Variants in NAP1L2 observed in about 807,000 individuals in gnomAD.
The protein encoded by NAP1L2 is nucleosome assembly protein 1-like 2.
For missense variants in NAP1L2, 376 were observed against 338.5 expected (o/e 1.11, Z -0.87); for synonymous variants, 165 against 126.0 (o/e 1.31, Z -2.07).
rs765103580 is a variant in NAP1L2, at chrX:73,214,078, T to G, written c.415A>C (p.Lys139Gln). The G allele has an allele frequency of 5.9e-5, 72 of 1,211,382 alleles. No individual in the cohort carries two copies. The highest frequency in any genetic ancestry group is 7.9e-5 in the Non-Finnish European group (71 of 895,483). The change falls in exon 1 of 1, where the codon AAG becomes CAG. Residue 139 changes from lysine (K) to glutamine (Q), a missense_variant. By Grantham distance (53) the Lys-to-Gln change is moderately conservative. Transcript: ENST00000373517. ...FLREFHDIER[K>Q]FAEMYQPLLE... Reference sequence around the variant, plus strand: ...AAGGGTTGGTACATTTCAGCAAACTTTCTTTCAATGTCATGAAATTCCCTC... The same window carrying G: ...AAGGGTTGGTACATTTCAGCAAACTGTCTTTCAATGTCATGAAATTCCCTC...
chrX:73,213,615 G>A lies in NAP1L2; in HGVS notation c.878C>T (p.Pro293Leu). 1 of 1,211,086 alleles carries A rather than the reference G, an allele frequency of 8.3e-7. No individual in the cohort carries two copies. Among genetic ancestry groups the A allele is most frequent in the South Asian group, 1.8e-5 (1 of 56,806 alleles). ...LSFTLEFHFK[P>L]NEYFKNELLT... ...CAACTCATTTTTGAAATATTCATTG[G>A]GTTTGAAGTGAAATTCTAGTGTGAA... Residue 293 changes from proline (P) to leucine (L), a missense_variant, in exon 1 of 1, where the codon CCC becomes CTC. Physicochemically the swap from Pro to Leu is moderately conservative, Grantham distance 98. Coordinates refer to ENST00000373517, the MANE Select transcript of NAP1L2 (RefSeq NM_021963.4).
In NAP1L2 at chrX:73,214,410, C is replaced by T. The variant is rs2056147752; in HGVS notation, c.83G>A (p.Gly28Glu). Residue 28 changes from glycine to glutamate, a missense_variant, in exon 1 of 1, where the codon GGG becomes GAG. Gly to Glu is a moderately conservative substitution (Grantham distance 98). Coordinates refer to ENST00000373517, the MANE Select transcript of NAP1L2 (RefSeq NM_021963.4). The part of the protein sequence containing the change: ...AGNQIMVEGL[G>E]EHLERGEDAA... ...ATCTTCACCGCGCTCCAGATGTTCC[C>T]CGAGCCCTTCCACCATTATCTGATT... 3 of 1,208,908 alleles carry T rather than the reference C, an allele frequency of 2.5e-6. No homozygotes were observed. The highest frequency in any genetic ancestry group is 3.4e-6 in the Non-Finnish European group (3 of 895,062).
chrX:73,214,396 G>C lies in NAP1L2; in HGVS notation c.97C>G (p.Arg33Gly). ...MVEGLGEHLE[R>G]GEDAAAGLGD... is the part of the protein sequence containing the mutation. Reference sequence around the variant, plus strand: ...AGCCCAGCAGCGGCATCTTCACCGCGCTCCAGATGTTCCCCGAGCCCTTCC... The same window carrying C: ...AGCCCAGCAGCGGCATCTTCACCGCCCTCCAGATGTTCCCCGAGCCCTTCC... The change falls in exon 1 of 1, where the codon CGC becomes GGC. Residue 33 changes from arginine (R) to glycine (G), a missense_variant. By Grantham distance (125) the Arg-to-Gly change is moderately radical (BLOSUM62 -2). Coordinates refer to ENST00000373517, the MANE Select transcript of NAP1L2 (RefSeq NM_021963.4). 1 of 1,208,516 alleles carries C rather than the reference G, an allele frequency of 8.3e-7. No homozygotes were observed. Among genetic ancestry groups the C allele is most frequent in the Middle Eastern group, 2.3e-4 (1 of 4,353 alleles).
Position 73,213,313 on chromosome X carries a change from G to T in NAP1L2, c.1180C>A (p.His394Asn). 8.3e-7 allele frequency: 1 copy of T among 1,211,073 alleles called. No individual in the cohort carries two copies. The highest frequency in any genetic ancestry group is 1.1e-6 in the Non-Finnish European group (1 of 894,777). The change falls in exon 1 of 1, where the codon CAC (histidine) becomes AAC (asparagine). Residue 394 changes from histidine (H) to asparagine (N), a missense_variant. Transcript: ENST00000373517. ...RDGNDDFLLG[H>N]NLRTYIIPRS... ...GGAATTATGTAAGTACGTAAATTGT[G>T]ACCAAGTAAAAAATCATCATTTCCA...
At position 73,213,179 on chromosome X, in the gene NAP1L2, C is replaced by T. The variant is rs780661959; in HGVS notation, c.1314G>A (p.Met438Ile). The T allele has an allele frequency of 1.7e-6, 2 of 1,210,549 alleles. No homozygotes were observed. The highest frequency in any genetic ancestry group is 2.2e-5 in the Admixed American group (1 of 45,882). The part of the protein sequence containing the change: ...IYDKIIYDNW[M>I]AAIEEVKACC... The stretch of plus-strand genomic sequence containing the variant: ...AAGCTTTAACTTCCTCAATTGCAGC[C>T]ATCCAATTATCATAAATAATTTTGT... Residue 438 changes from methionine (M) to isoleucine (I), a missense_variant, in exon 1 of 1, where the codon ATG (methionine) becomes ATA (isoleucine). Coordinates refer to ENST00000373517, the MANE Select transcript of NAP1L2 (RefSeq NM_021963.4).
chrX:73,213,031 A>T lies in NAP1L2; in HGVS notation c.*79T>A. 1 of 931,845 alleles carries T rather than the reference A, an allele frequency of 1.1e-6. No homozygotes were observed. The highest frequency in any genetic ancestry group is 1.4e-6 in the Non-Finnish European group (1 of 693,961). The allele number at this position is 931,845 out of a possible 1,213,427, so 76.8% of individuals were successfully genotyped here. A position where few individuals can be genotyped will look rare whatever the true frequency, so the allele number is the denominator to read the frequency against. ...TATGTTTTAACTAACACTACAAGAAAAATACAGAACACAAGGCTTCTTATA... is the reference window on the plus strand; with the variant it reads ...TATGTTTTAACTAACACTACAAGAATAATACAGAACACAAGGCTTCTTATA... On this transcript the variant is annotated 3_prime_UTR_variant, in exon 1 of 1. Coordinates refer to ENST00000373517, the MANE Select transcript of NAP1L2 (RefSeq NM_021963.4).
chrX:73,213,137 C>T lies in NAP1L2; in HGVS notation c.1356G>A (p.Glu452=), dbSNP rs757966230. ...AACGATCAATGTCTTCTACTAATGCCTCAAGGTTTTTGCAACAAGCTTTAA... is the reference window on the plus strand; with the variant it reads ...AACGATCAATGTCTTCTACTAATGCTTCAAGGTTTTTGCAACAAGCTTTAA... ...EEVKACCKNL[E]ALVEDIDR is the part of the protein sequence containing the mutation. The change falls in exon 1 of 1, where the codon GAG becomes GAA. Residue 452 remains glutamate, a synonymous_variant. Transcript: ENST00000373517. 2.3e-5 allele frequency: 28 copies of T among 1,206,390 alleles called. No individual in the cohort carries two copies. The East Asian group carries it at 3.0e-4, about 13-fold the overall frequency.
rs945261369 is a variant in NAP1L2 at position 73,213,090 on chromosome X, A to G, written c.*20T>C. Reference sequence around the variant, plus strand: ...AACTATATCTAGGGCAGTTAATTTCAGGGCCATGTATACTCTGCTCTAACG... The same window carrying G: ...AACTATATCTAGGGCAGTTAATTTCGGGGCCATGTATACTCTGCTCTAACG... On this transcript the variant is annotated 3_prime_UTR_variant, in exon 1 of 1. Transcript: ENST00000373517. 8.6e-7 allele frequency: 1 copy of G among 1,162,950 alleles called. No homozygotes were observed. The highest frequency in any genetic ancestry group is 1.1e-6 in the Non-Finnish European group (1 of 871,380).
At position 73,214,790 on chromosome X, in the gene NAP1L2, C is replaced by A; in HGVS notation, c.-298G>T. On this transcript the variant is annotated 5_prime_UTR_variant, in exon 1 of 1. Coordinates refer to ENST00000373517, the MANE Select transcript of NAP1L2 (RefSeq NM_021963.4). ...AGAGCTGCAGTGGGCAGACCTCCTCCGCAAGCAGCTACTGCTGCAAGAAAA... is the reference window on the plus strand; with the variant it reads ...AGAGCTGCAGTGGGCAGACCTCCTCAGCAAGCAGCTACTGCTGCAAGAAAA... 1 of 244,880 alleles carries A rather than the reference C, an allele frequency of 4.1e-6. No homozygotes were observed. Among genetic ancestry groups the A allele is most frequent in the Non-Finnish European group, 7.7e-6 (1 of 129,504 alleles). The allele number at this position is 244,880 out of a possible 1,213,427, so 20.2% of individuals were successfully genotyped here.
Position 73,212,972 on chromosome X carries a change from T to G in NAP1L2, c.*138A>C, listed in dbSNP as rs1335950716. On this transcript the variant is annotated 3_prime_UTR_variant, in exon 1 of 1. Transcript: ENST00000373517. ...CTACTAAAACTCAAGGTCAAATTAA[T>G]TAGTTTTTGAACTTTTCTTATATTT... The G allele has an allele frequency of 1.9e-5, 11 of 575,454 alleles. No homozygotes were observed. In the Admixed American group the frequency reaches 4.5e-4, roughly 23 times the overall value. 47.4% of individuals were successfully genotyped at this position (575,454 alleles called of 1,213,427 possible).
rs2147966308 is a variant in NAP1L2 at position 73,213,537 on chromosome X, G to A, written c.956C>T (p.Pro319Leu). ...ATACTCAATCGCAGTTCCCCTATAG[G>A]GATGGGGATCATAATATGCTAGCTT... ...KSKLAYYDPH[P>L]YRGTAIEYST... Residue 319 changes from proline to leucine, a missense_variant, in exon 1 of 1, where the codon CCC (proline) becomes CTC (leucine). Transcript: ENST00000373517. 3 of 1,210,781 alleles carry A rather than the reference G, an allele frequency of 2.5e-6. No homozygotes were observed. The highest frequency in any genetic ancestry group is 3.4e-6 in the Non-Finnish European group (3 of 894,703).
In NAP1L2 at chrX:73,214,489, C is replaced by T; in HGVS notation, c.4G>A (p.Ala2Thr). The change falls in exon 1 of 1, where the codon GCC becomes ACC. Residue 2 changes from alanine to threonine, a missense_variant. Physicochemically the swap from Ala to Thr is moderately conservative, Grantham distance 58. Coordinates refer to ENST00000373517, the MANE Select transcript of NAP1L2 (RefSeq NM_021963.4). M[A>T]ESENRKELSE... ...AGCTCCTTGCGGTTCTCTGACTCGG[C>T]CATTTTTCAAAGGACCGTACACGCC... 1 of 1,207,435 alleles carries T rather than the reference C, an allele frequency of 8.3e-7. No individual in the cohort carries two copies. Among genetic ancestry groups the T allele is most frequent in the African/African-American group, 1.7e-5 (1 of 57,597 alleles).
rs755449426 is a variant in NAP1L2 at position 73,214,055 on chromosome X, G to A, written c.438C>T (p.Pro146=). The part of the protein sequence containing the change: ...IERKFAEMYQ[P]LLEKRRQIIN... The stretch of plus-strand genomic sequence containing the variant: ...TGATCTGACGTCTTTTTTCCAGTAA[G>A]GGTTGGTACATTTCAGCAAACTTTC... The change falls in exon 1 of 1, where the codon CCC becomes CCT. Residue 146 remains proline (P), a synonymous_variant. Transcript: ENST00000373517. The A allele has an allele frequency of 8.3e-7, 1 of 1,208,837 alleles. No homozygotes were observed. The highest frequency in any genetic ancestry group is 2.2e-5 in the Admixed American group (1 of 45,609).
Position 73,213,464 on chromosome X carries a change from C to T in NAP1L2, c.1029G>A (p.Leu343=). 1 of 1,211,735 alleles carries T rather than the reference C, an allele frequency of 8.3e-7. No individual in the cohort carries two copies. The highest frequency in any genetic ancestry group is 1.1e-6 in the Non-Finnish European group (1 of 895,429). ...IDWNEGKNVT[L]KTIKKKQKHR... is the part of the protein sequence containing the mutation. ...GTTTCTGTTTCTTCTTGATGGTTTTCAAAGTGACATTCTTTCCTTCATTCC... is the reference window on the plus strand; with the variant it reads ...GTTTCTGTTTCTTCTTGATGGTTTTTAAAGTGACATTCTTTCCTTCATTCC... Residue 343 remains leucine, a synonymous_variant, in exon 1 of 1, where the codon TTG becomes TTA. Transcript: ENST00000373517.
Position 73,214,424 on chromosome X carries a change from C to A in NAP1L2, c.69G>T (p.Met23Ile). ...CCAGATGTTCCCCGAGCCCTTCCAC[C>A]ATTATCTGATTACCAGCCTCTTCTT... ...SSQEEAGNQIMVEGLGEHLER... is the reference protein window; with the variant it reads ...SSQEEAGNQIIVEGLGEHLER... The change falls in exon 1 of 1, where the codon ATG becomes ATT. Residue 23 changes from methionine (M) to isoleucine (I), a missense_variant. Coordinates refer to ENST00000373517, the MANE Select transcript of NAP1L2 (RefSeq NM_021963.4). 4.1e-6 allele frequency: 5 copies of A among 1,211,445 alleles called. No homozygotes were observed. The highest frequency in any genetic ancestry group is 4.5e-6 in the Non-Finnish European group (4 of 895,452).
chrX:73,213,948 T>C lies in NAP1L2; in HGVS notation c.545A>G (p.His182Arg). The C allele has an allele frequency of 1.7e-6, 2 of 1,211,609 alleles. No homozygotes were observed. Among genetic ancestry groups the C allele is most frequent in the Non-Finnish European group, 1.1e-6 (1 of 895,467 alleles). The change falls in exon 1 of 1, where the codon CAT (histidine) becomes CGT (arginine). Residue 182 changes from histidine to arginine, a missense_variant. Physicochemically the swap from His to Arg is conservative, Grantham distance 29. Coordinates refer to ENST00000373517, the MANE Select transcript of NAP1L2 (RefSeq NM_021963.4). The stretch of plus-strand genomic sequence containing the variant: ...CTCCTCATTACCATACATCTCTTCA[T>C]GACACATTTCCTCATCATCACAGTC... ...SEDCDDEEMC[H>R]EEMYGNEEGM...
In NAP1L2 at chrX:73,213,104, T is replaced by G; in HGVS notation, c.*6A>C. 3 of 1,193,257 alleles carry G rather than the reference T, an allele frequency of 2.5e-6. No homozygotes were observed. Among genetic ancestry groups the G allele is most frequent in the Non-Finnish European group, 3.4e-6 (3 of 886,111 alleles). On this transcript the variant is annotated 3_prime_UTR_variant, in exon 1 of 1. Transcript: ENST00000373517. ...CAGTTAATTTCAGGGCCATGTATAC[T>G]CTGCTCTAACGATCAATGTCTTCTA...
At position 73,213,821 on chromosome X, in the gene NAP1L2, A is replaced by C; in HGVS notation, c.672T>G (p.Ile224Met). ...EEEEEEEEDDIEATGEENKEE... is the reference protein window; with the variant it reads ...EEEEEEEEDDMEATGEENKEE... ...CTTTATTCTCTTCTCCAGTAGCCTCAATGTCGTCCTCCTCCTCCTCCTCCT... is the reference window on the plus strand; with the variant it reads ...CTTTATTCTCTTCTCCAGTAGCCTCCATGTCGTCCTCCTCCTCCTCCTCCT... The change falls in exon 1 of 1, where the codon ATT becomes ATG. Residue 224 changes from isoleucine to methionine, a missense_variant. Transcript: ENST00000373517. 8.3e-7 allele frequency: 1 copy of C among 1,210,057 alleles called. No individual in the cohort carries two copies. Among genetic ancestry groups the C allele is most frequent in the Non-Finnish European group, 1.1e-6 (1 of 894,983 alleles).
chrX:73,212,968 T>C lies in NAP1L2; in HGVS notation c.*142A>G, dbSNP rs1411180337. 11 of 558,470 alleles carry C rather than the reference T, an allele frequency of 2.0e-5. No individual in the cohort carries two copies. The highest frequency in any genetic ancestry group is 2.5e-5 in the Non-Finnish European group (9 of 364,513). 46.0% of individuals were successfully genotyped at this position (558,470 alleles called of 1,213,427 possible). ...TCTACTACTAAAACTCAAGGTCAAATTAATTAGTTTTTGAACTTTTCTTAT... is the reference window on the plus strand; with the variant it reads ...TCTACTACTAAAACTCAAGGTCAAACTAATTAGTTTTTGAACTTTTCTTAT... On this transcript the variant is annotated 3_prime_UTR_variant, in exon 1 of 1. Coordinates refer to ENST00000373517, the MANE Select transcript of NAP1L2 (RefSeq NM_021963.4).
Sources: allele counts gnomAD v4.1 joint callset, GRCh38; gene constraint gnomAD v4.1.1; transcripts MANE v1.5; gene names NCBI Gene and HGNC (gene_info 2026-07-23, HGNC 2026-07-21).